CCAR1: variants seen among roughly 807,000 people sequenced by gnomAD.
CCAR1 encodes the protein cell division cycle and apoptosis regulator 1.
In CCAR1, 78 loss-of-function variants were observed where a neutral mutation model predicts 163.8. That is an observed-to-expected ratio of 0.48 (90% CI 0.40 to 0.57). CCAR1 has a LOEUF of 0.57. CCAR1 is among the 20% of genes least tolerant of loss of function. CCAR1 has a pLI of 0.00. For synonymous variants in CCAR1, 443 were observed against 460.7 expected (o/e 0.96, Z 0.49); for missense variants, 1,019 against 1,365.2 (o/e 0.75, Z 4.00).
rs7907855 is a variant in CCAR1, at chr10:68,744,620, G to C, written c.518+2051G>C. On this transcript the variant is annotated intron_variant, in intron 6 of 24. Transcript: ENST00000265872. ...AGGAAATACTGTACAACATTTTTCT[G>C]TAAAAGAGATTCCTGTTTTTTATCT... Among the ~76,000 whole-genome samples the C allele has an allele frequency of 2.8e-3, 421 of 152,256 alleles. 3 individuals are homozygous for C. Among genetic ancestry groups the C allele is most frequent in the African/African-American group, 9.5e-3 (393 of 41,542 alleles).
chr10:68,736,285 G>A (rs530661800), intron 2 of CCAR1, among the ~76,000 whole-genome samples: 4 of 152,208 alleles, frequency 2.6e-5, no homozygotes, highest in Non-Finnish European at 5.9e-5. Context: ...GTATATATAT[G>A]TCATGGAATG....
intron 17 of CCAR1, among the ~76,000 whole-genome samples, chr10:68,766,933 C>CA (rs1186920353): frequency 6.6e-6 from 1 of 152,166 alleles, no homozygotes; most frequent in East Asian, 1.9e-4. Flanking sequence ...CTTACAGACT[C>CA]ACTTTTGCTG....
At chr10:68,750,237 A>C (rs187662816) in intron 10 of CCAR1, among the ~76,000 whole-genome samples, 2 of 120,074 alleles carry the variant, frequency 1.7e-5, no homozygotes, top group African/African-American at 6.2e-5. Flanking sequence ...TTTTTTTGAG[A>C]TAGGGTCTTA....
chr10:68,785,333 A>G (rs2133432371), intron 19 of CCAR1, among the ~76,000 whole-genome samples: 1 of 151,226 alleles, frequency 6.6e-6, no homozygotes, highest in East Asian at 1.9e-4. Context: ...TGATTCTCCC[A>G]TCTCAGCCCT....
chr10:68,789,780 T>TA lies in CCAR1; in HGVS notation c.3263dup (p.Asp1089GlyfsTer3). 1 of 1,607,728 alleles carries TA rather than the reference T, an allele frequency of 6.2e-7. No homozygotes were observed. Among genetic ancestry groups the TA allele is most frequent in the Non-Finnish European group, 8.5e-7 (1 of 1,177,810 alleles). ...GCCTCTCTGGTGAACTCAGAGAAGT[T>TA]AAAAAGGACCTTAGTCAGTTACAAG... On this transcript the variant is annotated frameshift_variant, in exon 24 of 25. Coordinates refer to ENST00000265872, the MANE Select transcript of CCAR1 (RefSeq NM_018237.4). LOFTEE classifies it high-confidence loss of function.
chr10:68,745,938 T>C (rs979247109), intron 6 of CCAR1, among the ~76,000 whole-genome samples: 1 of 152,032 alleles, frequency 6.6e-6, no homozygotes, highest in African/African-American at 2.4e-5. Flanking sequence ...TACCTGGCCA[T>C]CTACTTTTTC....
intron 5 of CCAR1, among the ~76,000 whole-genome samples, chr10:68,740,982 C>T (rs2056175753): frequency 6.6e-6 from 1 of 151,622 alleles, no homozygotes; most frequent in South Asian, 2.1e-4. Context: ...GGCGCAGTCT[C>T]GGCTCACTGC....
Position 68,766,058 on chromosome 10 carries a change from T to C in CCAR1, c.2277T>C (p.Asp759=). Residue 759 remains aspartate (D), a synonymous_variant, in exon 17 of 25, where the codon GAT becomes GAC. Coordinates refer to ENST00000265872, the MANE Select transcript of CCAR1 (RefSeq NM_018237.4). ...LSVLLDYRLE[D]NKEHSFEVSL... ...TCCTATTGGACTACAGATTAGAGGA[T>C]AATAAAGAACATTCATTTGAGGTAA... 1 of 1,609,938 alleles carries C rather than the reference T, an allele frequency of 6.2e-7. No individual in the cohort carries two copies. The highest frequency in any genetic ancestry group is 8.5e-7 in the Non-Finnish European group (1 of 1,176,716).
intron 6 of CCAR1, 25 bp downstream of exon 6, chr10:68,742,594 A>G (rs1230852684): frequency 6.4e-7 from 1 of 1,562,156 alleles, no homozygotes. Flanking sequence ...GTCTTGTCAC[A>G]TGGCTTCTTG....
intron 19 of CCAR1, among the ~76,000 whole-genome samples, chr10:68,784,835 G>A (rs2056777399): frequency 6.6e-6 from 1 of 151,422 alleles, no homozygotes; most frequent in African/African-American, 2.4e-5. Flanking sequence ...AGTGTTTTTA[G>A]AAATAAAGTA....
intron 2 of CCAR1, among the ~76,000 whole-genome samples, chr10:68,725,093 GATTGCGCC>G (rs1216225286): frequency 1.3e-5 from 2 of 152,056 alleles, no homozygotes; most frequent in Admixed American, 1.3e-4. Context: ...CAGATGCTCA[GATTGCGCC>G]ATTGCGCTCT....
intron 17 of CCAR1, among the ~76,000 whole-genome samples, chr10:68,770,060 C>A (rs10998423): frequency 6.6e-6 from 1 of 152,062 alleles, no homozygotes; most frequent in East Asian, 1.9e-4. Context: ...AATTGTTTCC[C>A]TAATCCAGAA....
chr10:68,767,371 G>A (rs1445277781), intron 17 of CCAR1, among the ~76,000 whole-genome samples: 1 of 151,062 alleles, frequency 6.6e-6, no homozygotes. Flanking sequence ...AGGCTCAAGC[G>A]ATTCTCCTGC....
chr10:68,765,788 CT>C, intron 16 of CCAR1, 99 bp from the exon 17 acceptor site: 1 of 806,272 alleles, frequency 1.2e-6, no homozygotes, highest in Non-Finnish European at 1.9e-6. Flanking sequence ...AATTTTGTTC[CT>C]TTTATTTATG....
At chr10:68,757,777 G>T (rs987251090) in intron 15 of CCAR1, among the ~76,000 whole-genome samples, 5 of 151,466 alleles carry the variant, frequency 3.3e-5, no homozygotes, top group African/African-American at 1.2e-4. Context: ...GCCAATATCT[G>T]TTGAATGCCT....
intron 9 of CCAR1, 102 bp from the exon 10 acceptor site, chr10:68,749,422 A>G (rs1216705158): frequency 8.0e-7 from 1 of 1,253,172 alleles, no homozygotes; most frequent in Admixed American, 2.8e-5. Context: ...TTAAACAAAT[A>G]TACTGTGGAT....
chr10:68,781,846 G>A (rs1589191974), intron 19 of CCAR1, among the ~76,000 whole-genome samples: 1 of 138,662 alleles, frequency 7.2e-6, no homozygotes, highest in Non-Finnish European at 1.6e-5. Context: ...GCAACACTCT[G>A]TCTCAAAAAT....
chr10:68,722,944 T>C (rs1346026692), intron 2 of CCAR1, among the ~76,000 whole-genome samples: 3 of 151,532 alleles, frequency 2.0e-5, no homozygotes, highest in African/African-American at 4.8e-5. Flanking sequence ...CAAAACAACA[T>C]GAATTAGGCT....
At chr10:68,752,501 A>G (rs1248198397) in intron 10 of CCAR1, among the ~76,000 whole-genome samples, 2 of 152,154 alleles carry the variant, frequency 1.3e-5, no homozygotes, top group African/African-American at 4.8e-5. Context: ...GCTTTTTGTA[A>G]CACTTCCTTA....
Sources: gnomAD v4.1 joint callset for allele counts (sites outside exome capture counted in the v4.1 genomes callset) on GRCh38, gnomAD v4.1.1 for gene constraint, MANE v1.5 for transcripts, NCBI Gene and HGNC (gene_info 2026-07-23, HGNC 2026-07-21) for gene names.